The following TJP1 variants were observed in gnomAD, a reference collection of about 807,000 sequenced individuals.
TJP1 encodes the protein tight junction protein ZO-1.
A neutral mutation model predicts 194.2 loss-of-function variants in TJP1; 43 were observed. The observed-to-expected ratio is 0.22, with a 90% confidence interval of 0.17 to 0.29. TJP1 has a LOEUF of 0.29. TJP1 is among the 10% of genes least tolerant of loss of function. The pLI, the probability that TJP1 is intolerant of heterozygous loss-of-function variation, is 1.00. For synonymous variants in TJP1, 801 were observed against 779.0 expected (o/e 1.03, Z -0.47); for missense variants, 1,971 against 2,185.7 (o/e 0.90, Z 1.96).
intron 8 of TJP1, among the ~76,000 whole-genome samples, chr15:29,748,719 C>T (rs986173254): frequency 6.6e-5 from 10 of 151,744 alleles, no homozygotes; most frequent in African/African-American, 2.2e-4. Flanking sequence ...ACTACAGATG[C>T]GTGCCACCAT....
intron 24 of TJP1, among the ~76,000 whole-genome samples, chr15:29,710,042 A>G (rs1207476479): frequency 6.6e-6 from 1 of 152,136 alleles, no homozygotes; most frequent in Non-Finnish European, 1.5e-5. Flanking sequence ...GCTACTCAGG[A>G]GGCTGAGGCA....
chr15:29,939,071 G>A (rs926839245), intron 2 of TJP1, among the ~76,000 whole-genome samples: 4 of 152,194 alleles, frequency 2.6e-5, no homozygotes, highest in Admixed American at 2.6e-4. Context: ...CTTGGACAAT[G>A]TGAACACACA....
chr15:29,912,695 C>CAAAAAAAAAAAAAAAAAAAAAAAAA (rs71103416), intron 2 of TJP1, among the ~76,000 whole-genome samples: 1 of 64,950 alleles, frequency 1.5e-5, no homozygotes, highest in Non-Finnish European at 2.4e-5. Flanking sequence ...GACTCTGTCT[C>CAAAAAAAAAAAAAAAAAAAAAAAAA]AAAAAAAAAA....
chr15:29,730,608 AG>A, intron 15 of TJP1: 1 of 539,458 alleles, frequency 1.9e-6, no homozygotes, highest in African/African-American at 2.0e-5. Flanking sequence ...AAAAAAAAAA[AG>A]AGGAGCAGTG....
intron 2 of TJP1, among the ~76,000 whole-genome samples, chr15:29,895,264 AT>A (rs2053441393): frequency 6.6e-6 from 1 of 152,182 alleles, no homozygotes; most frequent in Non-Finnish European, 1.5e-5. Context: ...TTCCCTCTTG[AT>A]TGAAAATTCT....
intron 15 of TJP1, 99 bp from the exon 16 acceptor site, chr15:29,728,118 G>T: frequency 1.1e-6 from 1 of 945,668 alleles, no homozygotes; most frequent in Non-Finnish European, 1.7e-6. Context: ...GGACTGGATA[G>T]TACTTTGTTT....
intron 2 of TJP1, among the ~76,000 whole-genome samples, chr15:29,908,491 G>A (rs2053902698): frequency 1.3e-5 from 2 of 152,182 alleles, no homozygotes; most frequent in East Asian, 1.9e-4. Flanking sequence ...TACCTCCCTT[G>A]ACACTACAGT....
At chr15:29,772,754 T>C (rs373376341) in intron 3 of TJP1, among the ~76,000 whole-genome samples, 1 of 152,290 alleles carries the variant, frequency 6.6e-6, no homozygotes, top group African/African-American at 2.4e-5. Flanking sequence ...CCAATTTTCA[T>C]AGGGATAAAG....
chr15:29,760,668 C>T (rs1052491591), intron 8 of TJP1, among the ~76,000 whole-genome samples: 7 of 152,104 alleles, frequency 4.6e-5, no homozygotes, highest in Admixed American at 1.3e-4. Context: ...TGAGCCACCG[C>T]GCCCGGCCAA....
intron 8 of TJP1, among the ~76,000 whole-genome samples, chr15:29,754,631 G>T (rs1400916789): frequency 6.6e-6 from 1 of 152,150 alleles, no homozygotes; most frequent in Non-Finnish European, 1.5e-5. Context: ...TAGCCTATTG[G>T]CAAAGTTGCA....
Position 29,728,045 on chromosome 15 carries a change from A to G in TJP1, c.2018-26T>C, listed in dbSNP as rs568233198. 443 of 1,600,784 alleles carry G rather than the reference A, an allele frequency of 2.8e-4. 7 individuals are homozygous for G. In the South Asian group the frequency reaches 4.7e-3, roughly 17 times the overall value. On this transcript the variant is annotated intron_variant, in intron 15 of 27. Coordinates refer to ENST00000614355, the MANE Select transcript of TJP1 (RefSeq NM_001330239.4). ...CTATTCATTATGTCAGGACAAAAATAAGACATCAAATTTTCACTGGTTAGA... is the reference window on the plus strand; with the variant it reads ...CTATTCATTATGTCAGGACAAAAATGAGACATCAAATTTTCACTGGTTAGA...
Position 29,766,429 on chromosome 15 carries a change from GC to G in TJP1, c.425del (p.Gly142AlafsTer49). On this transcript the variant is annotated frameshift_variant, in exon 5 of 28. Coordinates refer to ENST00000614355, the MANE Select transcript of TJP1 (RefSeq NM_001330239.4). LOFTEE classifies it high-confidence loss of function. ...TCCTTCTGTTAACCACACCACTCCG[GC>G]CACTTCTTGGATCATGTATTTCCTC... is the stretch of plus-strand genomic sequence containing the variant. ...YDEEIHDPRS[G>X]RSGVVNRRSE... is the part of the protein sequence containing the mutation. The G allele has an allele frequency of 6.2e-7, 1 of 1,614,024 alleles. No homozygotes were observed. The highest frequency in any genetic ancestry group is 8.5e-7 in the Non-Finnish European group (1 of 1,179,986).
At position 29,726,814 on chromosome 15, in the gene TJP1, T is replaced by C. The variant is rs1230823160; in HGVS notation, c.2278A>G (p.Lys760Glu). 2 of 1,614,060 alleles carry C rather than the reference T, an allele frequency of 1.2e-6. No individual in the cohort carries two copies. The highest frequency in any genetic ancestry group is 1.7e-6 in the Non-Finnish European group (2 of 1,180,040). ...SARKLYERSH[K>E]LRKNNHHLFT... ...AGATGGTGATTATTTTTACGAAGTT[T>C]ATGAGATCGCTCGTATAACTTCCTG... The change falls in exon 17 of 28, where the codon AAA becomes GAA. Residue 760 changes from lysine (K) to glutamate (E), a missense_variant. Physicochemically the swap from Lys to Glu is moderately conservative, Grantham distance 56. Around this residue, in one of 5 missense-constraint regions of TJP1, gnomAD observed 402 missense variants for 484.2 expected, o/e 0.83. Coordinates refer to ENST00000614355, the MANE Select transcript of TJP1 (RefSeq NM_001330239.4).
chr15:29,710,350 A>G (rs1385424006), intron 24 of TJP1, among the ~76,000 whole-genome samples: 1 of 152,200 alleles, frequency 6.6e-6, no homozygotes, highest in Non-Finnish European at 1.5e-5. Context: ...TGCTAGGAAA[A>G]TGCCTGTCCA....
At chr15:29,908,400 A>G (rs2053899040) in intron 2 of TJP1, among the ~76,000 whole-genome samples, 1 of 152,216 alleles carries the variant, frequency 6.6e-6, no homozygotes, top group Admixed American at 6.5e-5. Context: ...CAAAATTAGA[A>G]GAACAAATTT....
intron 1 of TJP1, among the ~76,000 whole-genome samples, chr15:29,817,606 G>C (rs2050016180): frequency 6.6e-6 from 1 of 152,146 alleles, no homozygotes; most frequent in Admixed American, 6.5e-5. Flanking sequence ...TGACAGATTG[G>C]ATAAAGAAAA....
In TJP1 at chr15:29,752,126, G is replaced by A. The variant is rs1045475621; in HGVS notation, c.1010+9013C>T. On this transcript the variant is annotated intron_variant, in intron 8 of 27. Coordinates refer to ENST00000614355, the MANE Select transcript of TJP1 (RefSeq NM_001330239.4). ...CTTTTTTTTTTTTTTCCCCCCAGAC[G>A]GAGTCTCGCTCTGTCACCCAGGCTG... Among the ~76,000 whole-genome samples the A allele has an allele frequency of 3.3e-5, 5 of 150,502 alleles. No homozygotes were observed. In the East Asian group the frequency reaches 7.8e-4, roughly 24 times the overall value.
At chr15:29,830,019 C>T (rs1224133278) in intron 2 of TJP1, among the ~76,000 whole-genome samples, 1 of 150,020 alleles carries the variant, frequency 6.7e-6, no homozygotes, top group Non-Finnish European at 1.5e-5. Flanking sequence ...AAAAAAAATA[C>T]AATGAAATTT....
intron 25 of TJP1, among the ~76,000 whole-genome samples, chr15:29,706,329 C>T (rs1294523040): frequency 6.6e-6 from 1 of 152,158 alleles, no homozygotes; most frequent in Admixed American, 6.5e-5. Flanking sequence ...GTCAAACGAC[C>T]TTCATTAATG....
Sources: gnomAD v4.1 joint callset for allele counts (sites outside exome capture counted in the v4.1 genomes callset) on GRCh38, gnomAD v4.1.1 for gene constraint, gnomAD v4.1.1 regional missense constraint, MANE v1.5 for transcripts, NCBI Gene and HGNC (gene_info 2026-07-23, HGNC 2026-07-21) for gene names.